The following NAALADL2 variants were observed in gnomAD, a reference collection of about 807,000 sequenced individuals.
NAALADL2 encodes the protein N-acetylated alpha-linked acidic dipeptidase like 2.
A neutral mutation model predicts 87.2 loss-of-function variants in NAALADL2; 76 were observed. That is an observed-to-expected ratio of 0.87 (90% CI 0.72 to 1.05). The LOEUF (loss-of-function observed/expected upper bound fraction) is 1.05. Among genes scored for constraint, NAALADL2 ranks in the 50% least tolerant of loss-of-function variants. The pLI, the probability that NAALADL2 is intolerant of heterozygous loss-of-function variation, is 0.00. For missense variants in NAALADL2, 1,089 were observed against 945.8 expected (o/e 1.15, Z -1.99); for synonymous variants, 354 against 331.0 (o/e 1.07, Z -0.75).
intron 1 of NAALADL2, among the ~76,000 whole-genome samples, chr3:174,546,931 C>A (rs1243889139): frequency 6.6e-6 from 1 of 152,086 alleles, no homozygotes; most frequent in Non-Finnish European, 1.5e-5. Flanking sequence ...TCTTTGCCTT[C>A]ATGTGTAGTA....
chr3:175,477,355 T>A (rs977210970), intron 9 of NAALADL2, among the ~76,000 whole-genome samples: 1 of 152,124 alleles, frequency 6.6e-6, no homozygotes, highest in Non-Finnish European at 1.5e-5. Context: ...ATGGGTGAAT[T>A]TCAGACTAAA....
At chr3:175,670,448 A>AAATTTACATTT (rs1733805610) in intron 11 of NAALADL2, among the ~76,000 whole-genome samples, 2 of 147,540 alleles carry the variant, frequency 1.4e-5, no homozygotes, top group African/African-American at 2.5e-5. Context: ...AATTTATATT[A>AAATTTACATTT]AATGTAAATT....
chr3:175,665,844 T>C (rs1433912395), intron 11 of NAALADL2, among the ~76,000 whole-genome samples: 1 of 151,904 alleles, frequency 6.6e-6, no homozygotes, highest in Non-Finnish European at 1.5e-5. Context: ...GGCAGGAGAA[T>C]CGCTTAAACC....
At chr3:175,119,787 GTA>G (rs909988827) in intron 2 of NAALADL2, among the ~76,000 whole-genome samples, 65 of 126,724 alleles carry the variant, frequency 5.1e-4, no homozygotes, top group African/African-American at 1.9e-3. Flanking sequence ...ATATATAAAA[GTA>G]TATATATACT....
chr3:174,911,191 G>C (rs188646712), intron 1 of NAALADL2, among the ~76,000 whole-genome samples: 56 of 152,168 alleles, frequency 3.7e-4, no homozygotes, highest in South Asian at 3.5e-3. Flanking sequence ...CTTTCTCCCT[G>C]ATACTGGCAA....
intron 9 of NAALADL2, among the ~76,000 whole-genome samples, chr3:175,540,413 A>T (rs949042124): frequency 1.3e-5 from 2 of 152,206 alleles, no homozygotes; most frequent in African/African-American, 2.4e-5. Context: ...CTGGGAGATG[A>T]TGAGGTCAGA....
chr3:175,436,544 T>C, intron 5 of NAALADL2, among the ~76,000 whole-genome samples: 1 of 146,336 alleles, frequency 6.8e-6, no homozygotes, highest in Non-Finnish European at 1.5e-5. Context: ...ATTGCCATTC[T>C]AACTGGTGTG....
intron 2 of NAALADL2, among the ~76,000 whole-genome samples, chr3:174,598,206 A>C (rs1377919812): frequency 6.6e-6 from 1 of 152,170 alleles, no homozygotes; most frequent in African/African-American, 2.4e-5. Flanking sequence ...TAAAGATCCT[A>C]ATAAACTAAA....
chr3:174,894,149 C>T (rs575761037), intron 1 of NAALADL2, among the ~76,000 whole-genome samples: 1 of 152,012 alleles, frequency 6.6e-6, no homozygotes, highest in Non-Finnish European at 1.5e-5. Flanking sequence ...CAAGATGATA[C>T]AACAATTTTA....
At chr3:175,257,562 A>T (rs548554068) in intron 4 of NAALADL2, among the ~76,000 whole-genome samples, 1 of 151,936 alleles carries the variant, frequency 6.6e-6, no homozygotes, top group South Asian at 2.1e-4. Flanking sequence ...TTCCTGTTCA[A>T]TCAATGTATT....
At chr3:174,837,790 T>G (rs186746858) in intron 3 of NAALADL2, among the ~76,000 whole-genome samples, 7 of 151,136 alleles carry the variant, frequency 4.6e-5, no homozygotes, top group African/African-American at 1.5e-4. Context: ...TGCGACTCTG[T>G]CTCAAAAAAA....
Position 174,869,608 on chromosome 3 carries a change from TAA to T in NAALADL2, c.43+10159_43+10160del, listed in dbSNP as rs1304102679. On this transcript the variant is annotated intron_variant, in intron 1 of 13. Coordinates refer to ENST00000454872, the MANE Select transcript of NAALADL2 (RefSeq NM_207015.3). The stretch of plus-strand genomic sequence containing the variant: ...GAAGCAAAGGGTGAGTTTATTTGGC[TAA>T]GAGTCAAGATGGAGCTGTGTGTGGA... Among the ~76,000 whole-genome samples the T allele has an allele frequency of 9.5e-4, 145 of 152,198 alleles. 1 individual carries two copies. Among genetic ancestry groups the T allele is most frequent in the South Asian group, 5.0e-3 (24 of 4,826 alleles).
chr3:175,237,565 G>T (rs1746117796), intron 3 of NAALADL2, among the ~76,000 whole-genome samples: 1 of 152,090 alleles, frequency 6.6e-6, no homozygotes, highest in Non-Finnish European at 1.5e-5. Flanking sequence ...GATATGTTCG[G>T]TAGCTGTCTT....
chr3:175,249,394 C>T (rs779366604), intron 3 of NAALADL2, among the ~76,000 whole-genome samples: 3 of 151,918 alleles, frequency 2.0e-5, no homozygotes, highest in Non-Finnish European at 4.4e-5. Flanking sequence ...TCCCCATTGC[C>T]ATATTTATTA....
At chr3:174,505,412 T>C (rs1719139829) in intron 1 of NAALADL2, among the ~76,000 whole-genome samples, 1 of 152,216 alleles carries the variant, frequency 6.6e-6, no homozygotes, top group Non-Finnish European at 1.5e-5. Context: ...CCATTCTACC[T>C]TGGTCATGGT....
chr3:175,784,495 G>A (rs1425616486), intron 13 of NAALADL2, among the ~76,000 whole-genome samples: 1 of 128,800 alleles, frequency 7.8e-6, no homozygotes, highest in Non-Finnish European at 1.6e-5. Flanking sequence ...TTGCATAGAG[G>A]TGTTTGTAGT....
intron 3 of NAALADL2, among the ~76,000 whole-genome samples, chr3:174,753,054 C>T (rs1356909766): frequency 6.6e-6 from 1 of 152,172 alleles, no homozygotes; most frequent in Non-Finnish European, 1.5e-5. Flanking sequence ...GTACGTATCT[C>T]TAATAATTTG....
At chr3:175,422,177 G>A (rs1715819733) in intron 5 of NAALADL2, among the ~76,000 whole-genome samples, 1 of 152,056 alleles carries the variant, frequency 6.6e-6, no homozygotes, top group Non-Finnish European at 1.5e-5. Flanking sequence ...TTTATTTTGA[G>A]TATGCCAGCA....
chr3:175,507,192 CTCT>C, intron 9 of NAALADL2, among the ~76,000 whole-genome samples: 1 of 151,916 alleles, frequency 6.6e-6, no homozygotes, highest in East Asian at 1.9e-4. Context: ...GTTTCATCCT[CTCT>C]TCTTCTCCAG....
Sources: gnomAD v4.1 joint callset for allele counts (sites outside exome capture counted in the v4.1 genomes callset) on GRCh38, gnomAD v4.1.1 for gene constraint, MANE v1.5 for transcripts, NCBI Gene and HGNC (gene_info 2026-07-23, HGNC 2026-07-21) for gene names.